Variants in TESMIN observed in about 807,000 individuals in gnomAD.
TESMIN encodes the protein CXC domain containing 2.
In TESMIN, 34 loss-of-function variants were observed where a neutral mutation model predicts 47.4. That is an observed-to-expected ratio of 0.72 (90% CI 0.55 to 0.96). The LOEUF is 0.96. Among genes scored for constraint, TESMIN ranks in the 40% least tolerant of loss-of-function variants. The probability of loss-of-function intolerance (pLI) is 0.00; values close to 1 mark genes in which losing one functional copy is unlikely to be tolerated. For synonymous variants in TESMIN, 278 were observed against 258.9 expected (o/e 1.07, Z -0.71); for missense variants, 610 against 637.2 (o/e 0.96, Z 0.46).
At chr11:68,706,685 C>A (rs4396295), downstream of TESMIN, among the ~76,000 whole-genome samples, 1 of 152,132 alleles carries the variant, frequency 6.6e-6, no homozygotes, top group Non-Finnish European at 1.5e-5. Flanking sequence ...AATGTGAAAT[C>A]TCAATCATTT....
chr11:68,732,412 C>T (rs1469576428), intron 6 of TESMIN, among the ~76,000 whole-genome samples: 1 of 152,178 alleles, frequency 6.6e-6, no homozygotes, highest in Non-Finnish European at 1.5e-5. Flanking sequence ...TCCCCAGTTA[C>T]AGTCTACACC....
intron 6 of TESMIN, chr11:68,736,640 C>T (rs1946390016): frequency 8.1e-6 from 8 of 984,388 alleles, no homozygotes; most frequent in Non-Finnish European, 8.4e-6. Flanking sequence ...TACAAATACA[C>T]ATCTCATGTT....
chr11:68,736,851 G>A (rs1316829566), intron 6 of TESMIN: 2 of 984,208 alleles, frequency 2.0e-6, no homozygotes, highest in African/African-American at 3.5e-5. Context: ...AGCCGGGGGA[G>A]AGGAAAAGGG....
intron 6 of TESMIN, chr11:68,737,925 C>CA (rs1946407159): frequency 6.2e-5 from 9 of 145,726 alleles, no homozygotes; most frequent in Non-Finnish European, 7.7e-5. Context: ...AAAAACAAAA[C>CA]AAACAAACAA....
chr11:68,722,140 GA>G (rs1452047934), intron 6 of TESMIN, among the ~76,000 whole-genome samples: 1 of 152,186 alleles, frequency 6.6e-6, no homozygotes, highest in Non-Finnish European at 1.5e-5. Flanking sequence ...TGGCACTTTA[GA>G]AACACTATGC....
rs772941535 is a variant in TESMIN, at chr11:68,708,499, G to A, written c.1336C>T (p.Arg446Trp). Residue 446 changes from arginine (R) to tryptophan (W), a missense_variant and splice_region_variant, in exon 10 of 10, where the codon CGG becomes TGG. Transcript: ENST00000255087. ...TCCCAGGAGATGCATGAGGAAGGCC[G>A]CCTGTCAGAAACAGAGCAGTTAAAG... ...SGLPRFSHDRRPSSCISWEVV... is the reference protein window; with the variant it reads ...SGLPRFSHDRWPSSCISWEVV... 62 of 1,604,134 alleles carry A rather than the reference G, an allele frequency of 3.9e-5. No individual in the cohort carries two copies. The highest frequency in any genetic ancestry group is 4.2e-5 in the Non-Finnish European group (49 of 1,175,846).
intron 6 of TESMIN, among the ~76,000 whole-genome samples, chr11:68,726,196 A>G (rs954478611): frequency 1.3e-5 from 2 of 152,196 alleles, no homozygotes; most frequent in African/African-American, 2.4e-5. Context: ...GGAGGGCTCT[A>G]TCTACTCTGG....
At chr11:68,729,986 G>A (rs972857061) in intron 6 of TESMIN, among the ~76,000 whole-genome samples, 3 of 152,084 alleles carry the variant, frequency 2.0e-5, no homozygotes, top group African/African-American at 4.8e-5. Context: ...AACTGCCACC[G>A]CAACCCCAGC....
intron 2 of TESMIN, 118 bp downstream of exon 2, chr11:68,750,072 G>C (rs570516585): frequency 3.3e-5 from 27 of 813,880 alleles, no homozygotes; most frequent in Non-Finnish European, 4.6e-5. Flanking sequence ...GGTGGGCTGT[G>C]TGTGGTGTCA....
chr11:68,720,473 G>A (rs1444271683), intron 6 of TESMIN, among the ~76,000 whole-genome samples: 1 of 152,104 alleles, frequency 6.6e-6, no homozygotes, highest in Non-Finnish European at 1.5e-5. Flanking sequence ...CCAGCTCCTG[G>A]AAAACCCAGG....
chr11:68,718,760 A>G (rs944553402), intron 6 of TESMIN, among the ~76,000 whole-genome samples: 2 of 152,224 alleles, frequency 1.3e-5, no homozygotes, highest in Admixed American at 6.5e-5. Flanking sequence ...ACAGAGGATC[A>G]AGAAAAACAA....
chr11:68,715,870 C>G lies in TESMIN; in HGVS notation c.987G>C (p.Leu329Phe), dbSNP rs1946131328. 6.2e-7 allele frequency: 1 copy of G among 1,612,378 alleles called. No homozygotes were observed. The highest frequency in any genetic ancestry group is 1.1e-5 in the South Asian group (1 of 91,030). ...NCNCNNCCNN[L>F]HHDIERFKAI... ...CTTTAAACCGTTCAATATCATGATG[C>G]AAGTTGTTGCAACAATTATTACAAT... Residue 329 changes from leucine (L) to phenylalanine (F), a missense_variant, in exon 7 of 10, where the codon TTG (leucine) becomes TTC (phenylalanine). Transcript: ENST00000255087.
At chr11:68,749,632 G>A (rs1409868966) in intron 2 of TESMIN, among the ~76,000 whole-genome samples, 1 of 152,146 alleles carries the variant, frequency 6.6e-6, no homozygotes, top group East Asian at 1.9e-4. Flanking sequence ...GATTTACATT[G>A]CATATGCTTG....
At chr11:68,711,122 A>C in intron 8 of TESMIN, 73 bp from the exon 9 acceptor site, 23 of 1,281,052 alleles carry the variant, frequency 1.8e-5, no homozygotes, top group Non-Finnish European at 2.5e-5. Flanking sequence ...TTCTATTTGG[A>C]CCTTAAATAA....
intron 6 of TESMIN, among the ~76,000 whole-genome samples, chr11:68,717,758 G>A (rs1299816638): frequency 6.6e-6 from 1 of 152,140 alleles, no homozygotes; most frequent in Non-Finnish European, 1.5e-5. Flanking sequence ...AGGAAGGCAT[G>A]AGTCCCCAGA....
intron 6 of TESMIN, among the ~76,000 whole-genome samples, chr11:68,718,311 A>G (rs1369443526): frequency 1.3e-5 from 2 of 152,228 alleles, no homozygotes; most frequent in African/African-American, 4.8e-5. Context: ...AACTAGGAGG[A>G]AAGTGGTATC....
Position 68,747,323 on chromosome 11 carries a change from G to T in TESMIN, c.515C>A (p.Pro172Gln), listed in dbSNP as rs775340621. ...EAGGTTTSNNPEEATLQNLLA... is the reference protein window; with the variant it reads ...EAGGTTTSNNQEEATLQNLLA... ...AAGATTCTGCAAAGTTGCTTCTTCC[G>T]GATTATTACTTGTAGTAGTACCACC... is the stretch of plus-strand genomic sequence containing the variant. The change falls in exon 3 of 10, where the codon CCG becomes CAG. Residue 172 changes from proline (P) to glutamine (Q), a missense_variant. Physicochemically the swap from Pro to Gln is moderately conservative, Grantham distance 76. Coordinates refer to ENST00000255087, the MANE Select transcript of TESMIN (RefSeq NM_004923.3). 3.1e-6 allele frequency: 5 copies of T among 1,613,818 alleles called. No homozygotes were observed. The African/African-American group carries it at 4.0e-5, about 13-fold the overall frequency.
chr11:68,716,175 G>A (rs147649328), intron 6 of TESMIN, among the ~76,000 whole-genome samples: 4 of 152,334 alleles, frequency 2.6e-5, no homozygotes, highest in South Asian at 4.1e-4. Flanking sequence ...CATAATATAG[G>A]ATTTTGCAAA....
chr11:68,744,460 A>G (rs572592033), intron 4 of TESMIN, among the ~76,000 whole-genome samples: 21 of 152,372 alleles, frequency 1.4e-4, no homozygotes, highest in African/African-American at 4.8e-4. Flanking sequence ...TTATTGTGCC[A>G]GGTTAAAAAA....
Sources: gnomAD v4.1 joint callset for allele counts (sites outside exome capture counted in the v4.1 genomes callset) on GRCh38, gnomAD v4.1.1 for gene constraint, MANE v1.5 for transcripts, NCBI Gene and HGNC (gene_info 2026-07-23, HGNC 2026-07-21) for gene names.